LUZP1: variants seen among roughly 807,000 people sequenced by gnomAD.
The protein encoded by LUZP1 is leucine zipper protein 1.
Under a neutral mutation model 71.3 loss-of-function variants are expected in LUZP1, and 25 were observed. The observed-to-expected ratio is 0.35, with a 90% CI of 0.26 to 0.49. LUZP1 has a LOEUF of 0.49. Among genes scored for constraint, LUZP1 ranks in the 20% least tolerant of loss-of-function variants. LUZP1 has a pLI of 0.99. For missense variants in LUZP1, 1,142 were observed against 1,300.8 expected (o/e 0.88, Z 1.88); for synonymous variants, 481 against 506.4 (o/e 0.95, Z 0.67).
intron 2 of LUZP1, among the ~76,000 whole-genome samples, chr1:23,147,423 C>T (rs1644352308): frequency 6.9e-6 from 1 of 144,476 alleles, no homozygotes; most frequent in Non-Finnish European, 1.5e-5. Context: ...CCTGGGGTGA[C>T]AGAGCAAGAC....
exon 5 of LUZP1, chr1:23,084,248 T>TCC (rs1643722631): frequency 6.6e-6 from 1 of 152,054 alleles, no homozygotes; most frequent in African/African-American, 2.4e-5. Flanking sequence ...CTAAAATGGG[T>TCC]ACACAGGGCT....
chr1:23,153,066 G>A (rs1011483716), intron 2 of LUZP1, among the ~76,000 whole-genome samples: 7 of 152,064 alleles, frequency 4.6e-5, no homozygotes, highest in Admixed American at 3.9e-4. Context: ...ATAATTCCAA[G>A]TTCATCAAGT....
chr1:23,171,139 T>G (rs1482813210), intron 1 of LUZP1, among the ~76,000 whole-genome samples: 1 of 104,636 alleles, frequency 9.6e-6, no homozygotes, highest in Non-Finnish European at 1.9e-5. Flanking sequence ...GATTTATATA[T>G]GTATTTTTAT....
chr1:23,092,235 G>T (rs551357646), exon 4 of LUZP1: 2 of 1,613,994 alleles, frequency 1.2e-6, no homozygotes, highest in African/African-American at 1.3e-5. Context: ...AGTGATGGTT[G>T]TATTTACCAA....
At chr1:23,143,572 T>G (rs888996214) in intron 2 of LUZP1, among the ~76,000 whole-genome samples, 4 of 152,168 alleles carry the variant, frequency 2.6e-5, no homozygotes, top group African/African-American at 9.7e-5. Context: ...ATTCTTACCA[T>G]AAACATCCCT....
At chr1:23,117,529 G>GA (rs61601621) in intron 2 of LUZP1, among the ~76,000 whole-genome samples, 14,926 of 85,478 alleles carry the variant, frequency 0.17, 2,465 homozygotes, top group African/African-American at 0.29. Flanking sequence ...CGGGGGGGGG[G>GA]AACACCTTGA....
rs910963982 is a variant in LUZP1 at position 23,135,584 on chromosome 1, G to T, written c.-225-26457C>A. ...TACTGGAATACATCATTTTAATCAG[G>T]ATTCAAAGCAACCAGAGAGAACACG... On this transcript the variant is annotated intron_variant, in intron 2 of 4. Coordinates refer to ENST00000302291, the Ensembl canonical transcript of LUZP1. Among the ~76,000 whole-genome samples, 5 of 152,110 alleles carry T rather than the reference G, an allele frequency of 3.3e-5. No individual in the cohort carries two copies. In the South Asian group the frequency reaches 1.0e-3, roughly 32 times the overall value.
intron 2 of LUZP1, among the ~76,000 whole-genome samples, chr1:23,167,267 G>A (rs1388686196): frequency 1.3e-5 from 2 of 152,046 alleles, no homozygotes; most frequent in African/African-American, 4.8e-5. Flanking sequence ...CTTATTAGGT[G>A]ATCTGAATTC....
chr1:23,134,858 T>C (rs1304655505), intron 2 of LUZP1, among the ~76,000 whole-genome samples: 8 of 152,110 alleles, frequency 5.3e-5, no homozygotes, highest in Admixed American at 3.3e-4. Flanking sequence ...GGGGTACATA[T>C]GCAGAATGCG....
At chr1:23,150,911 C>T (rs1268712977) in intron 2 of LUZP1, among the ~76,000 whole-genome samples, 3 of 152,060 alleles carry the variant, frequency 2.0e-5, no homozygotes, top group Non-Finnish European at 2.9e-5. Flanking sequence ...GTTTGTTTTT[C>T]GAATTGGACA....
chr1:23,105,866 T>A (rs902191325), intron 3 of LUZP1, among the ~76,000 whole-genome samples: 21 of 152,218 alleles, frequency 1.4e-4, no homozygotes, highest in African/African-American at 4.6e-4. Flanking sequence ...GGTAAAATTT[T>A]TTTTTTTGTC....
At chr1:23,119,797 G>A (rs899382358) in intron 2 of LUZP1, among the ~76,000 whole-genome samples, 5 of 152,070 alleles carry the variant, frequency 3.3e-5, no homozygotes, top group Non-Finnish European at 7.4e-5. Context: ...CTATACTTAC[G>A]AAGACTCTTA....
intron 2 of LUZP1, among the ~76,000 whole-genome samples, chr1:23,167,750 G>C (rs1235127203): frequency 6.6e-6 from 1 of 152,194 alleles, no homozygotes; most frequent in Non-Finnish European, 1.5e-5. Context: ...TCTAAACCGG[G>C]CTCCGAAGCC....
At chr1:23,108,857 C>T (rs540978934) in intron 3 of LUZP1, among the ~76,000 whole-genome samples, 165 bp downstream of exon 2, 1 of 152,254 alleles carries the variant, frequency 6.6e-6, no homozygotes, top group South Asian at 2.1e-4. Flanking sequence ...ATTTTTCACC[C>T]TCATCAGGTT....
intron 2 of LUZP1, among the ~76,000 whole-genome samples, chr1:23,117,474 TCTCCCC>T (rs1644090490): frequency 1.0e-4 from 3 of 29,508 alleles, no homozygotes; most frequent in African/African-American, 4.5e-4. Context: ...TCTCTCTCTC[TCTCCCC>T]CCCCCCCCCC....
At chr1:23,166,498 T>C (rs903441961) in intron 2 of LUZP1, among the ~76,000 whole-genome samples, 6 of 151,240 alleles carry the variant, frequency 4.0e-5, no homozygotes, top group Non-Finnish European at 3.0e-5. Context: ...CCACTAAAAA[T>C]ACAAAAATTA....
Position 23,094,786 on chromosome 1 carries a change from T to C in LUZP1, c.-119-406A>G, listed in dbSNP as rs952593342. ...ACCGTATTTCTCCCCAGTGTTGTTC[T>C]GAGATAATATGTGGAAGATCTTGGT... is the stretch of plus-strand genomic sequence containing the variant. On this transcript the variant is annotated intron_variant, in intron 3 of 4. Coordinates refer to ENST00000302291, the Ensembl canonical transcript of LUZP1. The surrounding 1 kb of genome is among the most constrained non-coding windows in gnomAD (Gnocchi z 4.7). Among the ~76,000 whole-genome samples the C allele has an allele frequency of 2.6e-5, 4 of 152,190 alleles. No individual in the cohort carries two copies. The highest frequency in any genetic ancestry group is 6.5e-5 in the Admixed American group (1 of 15,284).
intron 2 of LUZP1, among the ~76,000 whole-genome samples, chr1:23,160,311 CAAAAT>C (rs1383551307): frequency 2.0e-5 from 3 of 152,140 alleles, no homozygotes; most frequent in African/African-American, 7.2e-5. Flanking sequence ...TTGTTGACAT[CAAAAT>C]AAAATGTTAG....
intron 2 of LUZP1, among the ~76,000 whole-genome samples, chr1:23,153,222 C>CT (rs1399958827): frequency 6.6e-6 from 1 of 152,178 alleles, no homozygotes; most frequent in African/African-American, 2.4e-5. Flanking sequence ...AATCTAAACT[C>CT]TATTACTAGA....
Sources: gnomAD v4.1 joint callset for allele counts (sites outside exome capture counted in the v4.1 genomes callset) on GRCh38, gnomAD v4.1.1 for gene constraint, Gnocchi (gnomAD v3.1) non-coding constraint, MANE v1.5 for transcripts, NCBI Gene and HGNC (gene_info 2026-07-23, HGNC 2026-07-21) for gene names.